PAGE2B: variants seen among roughly 807,000 people sequenced by gnomAD.
PAGE2B encodes PAGE family member 2B, also known as putative G antigen family E member 3.
Under a neutral mutation model 7.6 loss-of-function variants are expected in PAGE2B, and 5 were observed. The ratio of observed to expected loss-of-function variants is 0.66; its 90% confidence interval spans 0.34 to 1.38. The LOEUF (loss-of-function observed/expected upper bound fraction) is 1.38, where lower values mean the gene tolerates loss of function less well. PAGE2B is among the 40% of genes most tolerant of loss of function. The pLI, the probability that PAGE2B is intolerant of heterozygous loss-of-function variation, is 0.04. For synonymous variants in PAGE2B, 29 were observed against 26.7 expected, an observed-to-expected ratio of 1.09 and a Z score of -0.27; for missense variants, 70 against 78.4, an observed-to-expected ratio of 0.89 and a Z score of 0.41.
At chrX:55,044,506 A>C in the PAGE2B span, among the ~76,000 whole-genome samples, 2 of 111,091 alleles carry the variant, frequency 1.8e-5, no homozygotes, top group African/African-American at 6.6e-5. Context: ...AGTACAGCGT[A>C]CACTGCTTGG....
the PAGE2B span, among the ~76,000 whole-genome samples, chrX:55,047,113 G>T: frequency 1.8e-5 from 2 of 108,193 alleles, no homozygotes; most frequent in Non-Finnish European, 3.8e-5. Context: ...GGTGTGTGAT[G>T]TTCCCCTTCC....
the PAGE2B span, among the ~76,000 whole-genome samples, chrX:55,052,992 A>T: frequency 8.9e-6 from 1 of 112,821 alleles, no homozygotes; most frequent in Non-Finnish European, 1.9e-5. Flanking sequence ...TAGTTATTTT[A>T]AAACTTCCTA....
At chrX:55,047,716 C>T in the PAGE2B span, among the ~76,000 whole-genome samples, 1 of 112,035 alleles carries the variant, frequency 8.9e-6, no homozygotes, top group Admixed American at 9.5e-5. Flanking sequence ...CAAATGTCTT[C>T]TTTTGAGAAG....
chrX:55,076,408 GTA>G (rs1321691722), intron 2 of PAGE2B, among the ~76,000 whole-genome samples, 159 bp from the exon 3 acceptor site: 1 of 107,679 alleles, frequency 9.3e-6, no homozygotes, highest in Admixed American at 1.0e-4. Flanking sequence ...GTGTATATAT[GTA>G]TGTATATACG....
the PAGE2B span, among the ~76,000 whole-genome samples, chrX:55,064,636 GT>G: frequency 8.5e-4 from 89 of 105,126 alleles, no homozygotes; most frequent in East Asian, 4.7e-3. Context: ...TGCAATGTTG[GT>G]TTTTTTTTTA....
At chrX:55,044,320 C>T in the PAGE2B span, among the ~76,000 whole-genome samples, 7 of 111,289 alleles carry the variant, frequency 6.3e-5, no homozygotes, top group Non-Finnish European at 9.4e-5. Flanking sequence ...TAATGGCATT[C>T]ACAGCAACCA....
chrX:55,040,369 C>T, the PAGE2B span, among the ~76,000 whole-genome samples: 9,763 of 109,422 alleles, frequency 0.089, 477 homozygotes, highest in Non-Finnish European at 0.14. Flanking sequence ...CAATCCCCAC[C>T]TATGAGTGAG....
At chrX:55,048,041 C>T in the PAGE2B span, among the ~76,000 whole-genome samples, 20 of 111,894 alleles carry the variant, frequency 1.8e-4, no homozygotes, top group African/African-American at 6.2e-4. Flanking sequence ...TATGGCTAGC[C>T]AGTTTTCTCA....
chrX:55,043,352 C>T, the PAGE2B span, among the ~76,000 whole-genome samples: 5 of 111,612 alleles, frequency 4.5e-5, no homozygotes, highest in South Asian at 1.8e-3. Flanking sequence ...CTTAATTAAA[C>T]TAAAAAGTTT....
intron 2 of PAGE2B, 27 bp downstream of exon 2, chrX:55,076,152 C>T (rs1170351099): frequency 8.5e-7 from 1 of 1,180,301 alleles, no homozygotes; most frequent in Admixed American, 2.2e-5. Context: ...TTGATGTTTC[C>T]TATTAACACA....
upstream of PAGE2B, among the ~76,000 whole-genome samples, chrX:55,073,399 A>G (rs1936468734): frequency 9.0e-6 from 1 of 110,971 alleles, no homozygotes; most frequent in Admixed American, 9.6e-5. Context: ...CTGCCTAACC[A>G]GTCCCAATAA....
chrX:55,039,236 C>T, the PAGE2B span, among the ~76,000 whole-genome samples: 5 of 111,217 alleles, frequency 4.5e-5, no homozygotes, highest in Non-Finnish European at 9.4e-5. Flanking sequence ...CCCCCCCTGG[C>T]TTCTTGACTC....
upstream of PAGE2B, among the ~76,000 whole-genome samples, chrX:55,070,868 T>C (rs752416073): frequency 3.6e-5 from 4 of 111,809 alleles, no homozygotes; most frequent in South Asian, 1.5e-3. Flanking sequence ...CTGCCTTTTT[T>C]TGCTCTCCAT....
At chrX:55,068,197 G>GTT in the PAGE2B span, among the ~76,000 whole-genome samples, 8 of 112,207 alleles carry the variant, frequency 7.1e-5, no homozygotes, top group African/African-American at 2.6e-4. Context: ...TAGATCTTAC[G>GTT]TTTAAGTCTT....
chrX:55,072,548 G>T (rs1341942585), upstream of PAGE2B, among the ~76,000 whole-genome samples: 1 of 112,592 alleles, frequency 8.9e-6, no homozygotes, highest in Admixed American at 9.3e-5. Flanking sequence ...CCCACTTGAG[G>T]AGGCAGTCTG....
the PAGE2B span, among the ~76,000 whole-genome samples, chrX:55,029,899 A>G: frequency 9.1e-6 from 1 of 110,347 alleles, no homozygotes; most frequent in South Asian, 3.9e-4. Context: ...GCCAACTGCA[A>G]CTCTACCCCA....
the PAGE2B span, among the ~76,000 whole-genome samples, chrX:55,046,313 C>T: frequency 9.0e-6 from 1 of 110,593 alleles, no homozygotes; most frequent in Non-Finnish European, 1.9e-5. Flanking sequence ...GGAGTTTCAC[C>T]ATGTTAGCCA....
At chrX:55,076,001 C>T in intron 1 of PAGE2B, 33 bp from the exon 2 acceptor site, 1 of 1,153,127 alleles carries the variant, frequency 8.7e-7, no homozygotes, top group Non-Finnish European at 1.2e-6. Flanking sequence ...AGTTCTTATA[C>T]ACTTTTTCCA....
At chrX:55,035,016 GT>G in the PAGE2B span, among the ~76,000 whole-genome samples, 2 of 109,960 alleles carry the variant, frequency 1.8e-5, no homozygotes, top group Non-Finnish European at 3.8e-5. Flanking sequence ...GCCTTTTCAT[GT>G]TTTTCTGCCT....
Sources: allele counts gnomAD v4.1 joint callset (sites outside exome capture counted in the v4.1 genomes callset), GRCh38; gene constraint gnomAD v4.1.1; transcripts MANE v1.5; gene names NCBI Gene and HGNC (gene_info 2026-07-23, HGNC 2026-07-21).